Variants in DSC3 observed in about 807,000 individuals in gnomAD.
DSC3 encodes the protein desmocollin 3.
Under a neutral mutation model 89.5 loss-of-function variants are expected in DSC3, and 97 were observed. The ratio of observed to expected loss-of-function variants is 1.08; its 90% CI spans 0.92 to 1.28. The LOEUF (loss-of-function observed/expected upper bound fraction) is 1.28. Among genes scored for constraint, DSC3 ranks in the 50% most tolerant of loss-of-function variants. DSC3 has a pLI of 0.00. For synonymous variants in DSC3, 436 were observed against 384.1 expected (o/e 1.14, Z -1.58); for missense variants, 1,199 against 1,085.3 (o/e 1.10, Z -1.47).
intron 13 of DSC3, among the ~76,000 whole-genome samples, chr18:31,002,529 C>T (rs996460356): frequency 1.3e-4 from 19 of 151,676 alleles, no homozygotes; most frequent in Admixed American, 9.2e-4. Context: ...GGAGAAACCC[C>T]GTCTCTACTA....
intron 1 of DSC3, among the ~76,000 whole-genome samples, chr18:31,036,482 G>T (rs1461445348): frequency 6.6e-6 from 1 of 150,862 alleles, no homozygotes; most frequent in African/African-American, 2.4e-5. Flanking sequence ...CTTCAATTTT[G>T]TTTTTTTCAT....
chr18:31,014,237 A>G (rs1985162266), intron 9 of DSC3, among the ~76,000 whole-genome samples: 1 of 152,036 alleles, frequency 6.6e-6, no homozygotes, highest in Admixed American at 6.5e-5. Context: ...ATACCATGAA[A>G]TATTTCCAAT....
chr18:31,018,562 A>G (rs1985311148), intron 8 of DSC3, 104 bp downstream of exon 8: 1 of 1,251,846 alleles, frequency 8.0e-7, no homozygotes, highest in South Asian at 1.3e-5. Flanking sequence ...AAATACGTAT[A>G]CGTCAAAGTA....
chr18:31,027,090 T>C (rs1985622073), intron 4 of DSC3, among the ~76,000 whole-genome samples: 1 of 152,104 alleles, frequency 6.6e-6, no homozygotes, highest in South Asian at 2.1e-4. Context: ...TGTATAATAA[T>C]ACAGAAATCA....
At chr18:30,998,337 T>C (rs891228593) in intron 14 of DSC3, among the ~76,000 whole-genome samples, 5 of 152,076 alleles carry the variant, frequency 3.3e-5, no homozygotes, top group Non-Finnish European at 7.4e-5. Flanking sequence ...TTGTGTTCCA[T>C]GAAGGCAAAC....
chr18:31,007,130 A>G lies in DSC3; in HGVS notation c.1665T>C (p.Asp555=). The G allele has an allele frequency of 1.2e-6, 2 of 1,606,404 alleles. No homozygotes were observed. Among genetic ancestry groups the G allele is most frequent in the Non-Finnish European group, 1.7e-6 (2 of 1,173,172 alleles). ...CAAGTGTTCCAGTACATGATCTATC[A>G]TCTAAGGAGACAGGAATAAGGTTTA... ...YNITVLAIDK[D]DRSCTGTLAV... The change falls in exon 12 of 16, where the codon GAT becomes GAC. Residue 555 remains aspartate (D), a splice_region_variant and synonymous_variant. Coordinates refer to ENST00000360428, the MANE Select transcript of DSC3 (RefSeq NM_001941.5).
intron 1 of DSC3, among the ~76,000 whole-genome samples, chr18:31,042,174 C>T (rs1986155150): frequency 6.6e-6 from 1 of 152,158 alleles, no homozygotes; most frequent in Non-Finnish European, 1.5e-5. Context: ...GAGGGGGCAG[C>T]CCCTAAATCC....
At position 31,001,729 on chromosome 18, in the gene DSC3, T is replaced by C. The variant is rs747361852; in HGVS notation, c.2124A>G (p.Leu708=). ...CACCAAAAACTCCACATACTAAAGT[T>C]AGCAATACAGCTGAATTTAAAAATA... ...LGIALLFSVL[L]TLVCGVFGAT... Residue 708 remains leucine (L), a synonymous_variant, in exon 14 of 16, where the codon CTA becomes CTG. Coordinates refer to ENST00000360428, the MANE Select transcript of DSC3 (RefSeq NM_001941.5). 8.7e-6 allele frequency: 14 copies of C among 1,600,054 alleles called. No homozygotes were observed. In the African/African-American group the frequency reaches 1.7e-4, roughly 20 times the overall value.
At chr18:31,008,233 T>C in intron 10 of DSC3, 36 bp downstream of exon 10, 1 of 1,612,320 alleles carries the variant, frequency 6.2e-7, no homozygotes, top group South Asian at 1.1e-5. Context: ...TGATTACAAA[T>C]ACATTATTAG....
chr18:31,039,533 C>G (rs976167274), intron 1 of DSC3, among the ~76,000 whole-genome samples: 1 of 152,142 alleles, frequency 6.6e-6, no homozygotes, highest in Non-Finnish European at 1.5e-5. Context: ...CTTTCAAATT[C>G]TTACCACTTC....
intron 12 of DSC3, among the ~76,000 whole-genome samples, chr18:31,006,221 T>C (rs912555949): frequency 2.6e-5 from 4 of 152,068 alleles, no homozygotes; most frequent in Non-Finnish European, 5.9e-5. Flanking sequence ...TACACCTGAG[T>C]TCCTCACTTC....
chr18:31,018,599 T>A, intron 8 of DSC3, 67 bp downstream of exon 8: 1 of 1,499,996 alleles, frequency 6.7e-7, no homozygotes, highest in Non-Finnish European at 9.2e-7. Context: ...ATTAATTTTA[T>A]TAATTCAGTT....
chr18:31,009,052 T>A (rs1317864414), intron 9 of DSC3, among the ~76,000 whole-genome samples: 1 of 152,176 alleles, frequency 6.6e-6, no homozygotes, highest in African/African-American at 2.4e-5. Context: ...TATTTTCTTT[T>A]ATTTTATTTT....
intron 6 of DSC3, among the ~76,000 whole-genome samples, chr18:31,024,129 A>C (rs77604591): frequency 0.011 from 1,714 of 152,254 alleles, 34 homozygotes; most frequent in African/African-American, 0.039. Context: ...CTCCCTTTAC[A>C]GTTAATTAGT....
chr18:31,020,706 G>T (rs1985389938), intron 7 of DSC3, among the ~76,000 whole-genome samples: 1 of 152,064 alleles, frequency 6.6e-6, no homozygotes, highest in South Asian at 2.1e-4. Flanking sequence ...CACTTTGGGA[G>T]GCTGAGGCAG....
chr18:31,005,715 A>G (rs1019646094), intron 12 of DSC3, among the ~76,000 whole-genome samples: 6 of 152,228 alleles, frequency 3.9e-5, no homozygotes, highest in Admixed American at 3.9e-4. Context: ...TACAAAGATG[A>G]ATTGCAAACA....
intron 9 of DSC3, among the ~76,000 whole-genome samples, chr18:31,010,374 G>A (rs1179122327): frequency 6.6e-6 from 1 of 152,286 alleles, no homozygotes; most frequent in Non-Finnish European, 1.5e-5. Flanking sequence ...GAAATGGATG[G>A]AAATTTAGAG....
chr18:31,021,136 G>T lies in DSC3; in HGVS notation c.942+1200C>A, dbSNP rs574324377. Among the ~76,000 whole-genome samples the T allele has an allele frequency of 8.6e-5, 13 of 150,974 alleles. No homozygotes were observed. The South Asian group carries it at 1.5e-3, about 17-fold the overall frequency. ...TCCATGGTTGTTGCCCACAAAATCT[G>T]GTAGATTTTTTTCTTCATCAGGAAA... On this transcript the variant is annotated intron_variant, in intron 7 of 15. Coordinates refer to ENST00000360428, the MANE Select transcript of DSC3 (RefSeq NM_001941.5).
chr18:31,029,427 A>G (rs1985705314), intron 4 of DSC3, 82 bp downstream of exon 4: 2 of 1,531,238 alleles, frequency 1.3e-6, no homozygotes, highest in Admixed American at 1.7e-5. Flanking sequence ...GTTTATTTTT[A>G]TATGTTTAAA....
Sources: gnomAD v4.1 joint callset for allele counts (sites outside exome capture counted in the v4.1 genomes callset) on GRCh38, gnomAD v4.1.1 for gene constraint, MANE v1.5 for transcripts, NCBI Gene and HGNC (gene_info 2026-07-23, HGNC 2026-07-21) for gene names.